RGS7: variants seen among roughly 807,000 people sequenced by gnomAD.
RGS7 encodes regulator of G-protein signaling 7.
RGS7 carries 27 observed loss-of-function variants against 81.1 expected under a neutral mutation model. That is an observed-to-expected ratio of 0.33 (90% CI 0.25 to 0.46). RGS7 has a LOEUF of 0.46. Among genes scored for constraint, RGS7 ranks in the 20% least tolerant of loss-of-function variants. RGS7 has a pLI of 1.00. For synonymous variants in RGS7, 208 were observed against 207.7 expected, an observed-to-expected ratio of 1.00 and a Z score of -0.01; for missense variants, 396 against 607.4, an observed-to-expected ratio of 0.65 and a Z score of 3.66.
At chr1:241,238,054 G>C (rs556371805) in intron 2 of RGS7, among the ~76,000 whole-genome samples, 3 of 152,090 alleles carry the variant, frequency 2.0e-5, no homozygotes, top group African/African-American at 7.2e-5. Flanking sequence ...CTCCTCTCTC[G>C]TAAGAATTCC....
chr1:241,057,006 T>C (rs565799445), intron 3 of RGS7, among the ~76,000 whole-genome samples: 23 of 152,296 alleles, frequency 1.5e-4, no homozygotes, highest in African/African-American at 5.5e-4. Context: ...TGCCAATATG[T>C]ACACCGTTGA....
chr1:240,965,225 T>C (rs2148488253), intron 4 of RGS7, among the ~76,000 whole-genome samples: 1 of 152,336 alleles, frequency 6.6e-6, no homozygotes, highest in East Asian at 1.9e-4. Flanking sequence ...CCTCATTAAT[T>C]GCAGAATATA....
intron 6 of RGS7, among the ~76,000 whole-genome samples, chr1:240,926,991 T>C (rs16841053): frequency 0.026 from 3,948 of 152,258 alleles, 186 homozygotes; most frequent in African/African-American, 0.09. Flanking sequence ...CAGAACCTAC[T>C]TGGTAAGTTT....
chr1:241,257,265 T>C (rs2077098885), intron 2 of RGS7, among the ~76,000 whole-genome samples: 1 of 152,122 alleles, frequency 6.6e-6, no homozygotes, highest in Non-Finnish European at 1.5e-5. Context: ...TCTTTCTGTA[T>C]TCTCTGACAG....
intron 3 of RGS7, chr1:240,998,505 C>G: frequency 9.6e-7 from 1 of 1,041,340 alleles, no homozygotes. Context: ...TCTTTCTTTG[C>G]TTCCACTTTC....
chr1:240,950,363 G>C (rs950635972), intron 4 of RGS7, among the ~76,000 whole-genome samples: 1 of 152,124 alleles, frequency 6.6e-6, no homozygotes, highest in African/African-American at 2.4e-5. Context: ...TACCCCAAAG[G>C]AAAGACATTG....
At chr1:241,237,362 G>A (rs12117171) in intron 2 of RGS7, among the ~76,000 whole-genome samples, 26,644 of 152,048 alleles carry the variant, frequency 0.18, 2,546 homozygotes, top group Middle Eastern at 0.2. Flanking sequence ...CCTAGGCAAG[G>A]CCACAGGGTC....
At position 241,171,668 on chromosome 1, in the gene RGS7, C is replaced by T. The variant is rs111798794; in HGVS notation, c.79-72906G>A. Among the ~76,000 whole-genome samples, 293 of 152,248 alleles carry T rather than the reference C, an allele frequency of 1.9e-3. 1 individual carries two copies. The highest frequency in any genetic ancestry group is 6.6e-3 in the African/African-American group (276 of 41,544). On this transcript the variant is annotated intron_variant, in intron 2 of 18. Transcript: ENST00000440928. ...AAATACTACCTGCCATTTAATTACA[C>T]CAGGGAATACTTCGGGTATTTTGAG...
chr1:241,063,127 G>A (rs577531562), intron 3 of RGS7, among the ~76,000 whole-genome samples: 2 of 152,258 alleles, frequency 1.3e-5, no homozygotes, highest in African/African-American at 4.8e-5. Flanking sequence ...ATAAGCTCAG[G>A]GTAGACAGTT....
At chr1:241,137,421 T>C (rs2067599968) in intron 2 of RGS7, among the ~76,000 whole-genome samples, 1 of 152,224 alleles carries the variant, frequency 6.6e-6, no homozygotes, top group Admixed American at 6.5e-5. Flanking sequence ...GATATCTTTA[T>C]TCATTGTGTT....
chr1:240,811,069 C>T (rs1442519870), intron 14 of RGS7, among the ~76,000 whole-genome samples: 2 of 152,132 alleles, frequency 1.3e-5, no homozygotes, highest in Admixed American at 1.3e-4. Context: ...CGTGACCATG[C>T]CTGGCACTAC....
intron 11 of RGS7, among the ~76,000 whole-genome samples, chr1:240,815,975 T>C (rs1341633362): frequency 6.6e-6 from 1 of 152,186 alleles, no homozygotes; most frequent in Non-Finnish European, 1.5e-5. Context: ...CCTCTTGTCC[T>C]CTTACTCTTT....
intron 2 of RGS7, among the ~76,000 whole-genome samples, chr1:241,225,515 G>A (rs1488039048): frequency 6.6e-6 from 1 of 152,224 alleles, no homozygotes; most frequent in East Asian, 1.9e-4. Context: ...TGTATCCTCA[G>A]CACTTGGTAC....
chr1:241,273,530 C>T (rs1231222890), intron 2 of RGS7, among the ~76,000 whole-genome samples: 1 of 151,944 alleles, frequency 6.6e-6, no homozygotes, highest in African/African-American at 2.4e-5. Context: ...GGTCTAGTAC[C>T]ACTTCTAGCT....
Position 240,868,647 on chromosome 1 carries a change from C to T in RGS7, c.549G>A (p.Lys183=). The change falls in exon 9 of 19, where the codon AAG becomes AAA. Residue 183 remains lysine, a synonymous_variant. Coordinates refer to ENST00000440928, the MANE Select transcript of RGS7 (RefSeq NM_001364886.1). This position sits in a 1 kb window ranked among gnomAD's most constrained non-coding sequence, Gnocchi z 5.1. The part of the protein sequence containing the change: ...AQAKVDKKRD[K]IERKILDSQE... Reference sequence around the variant, plus strand: ...GGCTGTCAAGGATCTTCCTTTCAATCTTGTCTCTCTTCTTGTCCACTCTGT... The same window carrying T: ...GGCTGTCAAGGATCTTCCTTTCAATTTTGTCTCTCTTCTTGTCCACTCTGT... The T allele has an allele frequency of 6.2e-7, 1 of 1,614,160 alleles. No homozygotes were observed.
chr1:241,327,934 A>G lies in RGS7; in HGVS notation c.78+27765T>C, dbSNP rs72760589. Among the ~76,000 whole-genome samples, 520 of 152,364 alleles carry G rather than the reference A, an allele frequency of 3.4e-3. 2 individuals carry two copies. Among genetic ancestry groups the G allele is most frequent in the Non-Finnish European group, 4.0e-3 (273 of 68,030 alleles). ...CACATTCTAGTACAGACTGTAAAAT[A>G]AAGTAACCATATTTTCAAAGCAGAA... On this transcript the variant is annotated intron_variant, in intron 2 of 18. Transcript: ENST00000440928.
rs767656004 is a variant in RGS7 at position 240,868,574 on chromosome 1, G to A, written c.609+13C>T. The A allele has an allele frequency of 5.6e-6, 9 of 1,613,110 alleles. No homozygotes were observed. The highest frequency in any genetic ancestry group is 6.8e-6 in the Non-Finnish European group (8 of 1,179,260). ...GAAGATGGATTCAAGACGAGAGTGC[G>A]ACGCTTGCTTACCACGGGCCTGTGC... is the stretch of plus-strand genomic sequence containing the variant. On this transcript the variant is annotated intron_variant, in intron 9 of 18. Transcript: ENST00000440928. The surrounding 1 kb of genome is among the most constrained non-coding windows in gnomAD (Gnocchi z 5.1).
chr1:241,319,223 A>T (rs950641680), intron 2 of RGS7, among the ~76,000 whole-genome samples: 2 of 152,078 alleles, frequency 1.3e-5, no homozygotes, highest in African/African-American at 4.8e-5. Flanking sequence ...TTAGCTTTCT[A>T]CTCCCTTTCT....
chr1:240,993,096 A>AAGGAGGGAGGGG (rs1686718443), intron 3 of RGS7, among the ~76,000 whole-genome samples: 1 of 74,960 alleles, frequency 1.3e-5, no homozygotes, highest in Non-Finnish European at 2.6e-5. Flanking sequence ...GGAAGGAAGG[A>AAGGAGGGAGGGG]GGGAGGGAGG....
Sources: gnomAD v4.1 joint callset for allele counts (sites outside exome capture counted in the v4.1 genomes callset) on GRCh38, gnomAD v4.1.1 for gene constraint, Gnocchi (gnomAD v3.1) non-coding constraint, MANE v1.5 for transcripts, NCBI Gene and HGNC (gene_info 2026-07-23, HGNC 2026-07-21) for gene names.